SNX6: variants seen among roughly 807,000 people sequenced by gnomAD.
SNX6 encodes the protein sorting nexin 6.
In SNX6, 34 loss-of-function variants were observed where a neutral mutation model predicts 63.0. The observed-to-expected ratio is 0.54, with a 90% confidence interval of 0.41 to 0.72. The LOEUF (loss-of-function observed/expected upper bound fraction) is 0.72, where lower values mean the gene tolerates loss of function less well. Among genes scored for constraint, SNX6 ranks in the 30% least tolerant of loss-of-function variants. The probability of loss-of-function intolerance (pLI) is 0.00; values close to 1 mark genes in which losing one functional copy is unlikely to be tolerated. For missense variants in SNX6, 398 were observed against 471.4 expected, an observed-to-expected ratio of 0.84 and a Z score of 1.44; for synonymous variants, 170 against 164.2, an observed-to-expected ratio of 1.04 and a Z score of -0.27.
intron 8 of SNX6, among the ~76,000 whole-genome samples, chr14:34,588,498 A>C (rs1469022456): frequency 6.6e-6 from 1 of 151,812 alleles, no homozygotes; most frequent in Non-Finnish European, 1.5e-5. Flanking sequence ...CGATCCACCC[A>C]CCTCAGCCTC....
chr14:34,574,679 G>A (rs913440301), intron 11 of SNX6, among the ~76,000 whole-genome samples: 1 of 151,166 alleles, frequency 6.6e-6, no homozygotes, highest in African/African-American at 2.4e-5. Flanking sequence ...GTTATTCCAG[G>A]GTTTTGTTTT....
At chr14:34,568,824 G>A (rs1177353989) in intron 11 of SNX6, 3 of 1,035,838 alleles carry the variant, frequency 2.9e-6, no homozygotes, top group Non-Finnish European at 3.0e-6. Context: ...GGAGGACCCG[G>A]TGGGCCACAT....
intron 2 of SNX6, among the ~76,000 whole-genome samples, chr14:34,614,793 T>C (rs1594746028): frequency 6.6e-6 from 1 of 152,246 alleles, no homozygotes; most frequent in East Asian, 1.9e-4. Context: ...CCCACATTTG[T>C]AGTCTCTGCT....
chr14:34,575,198 T>A (rs1594700401), intron 11 of SNX6, among the ~76,000 whole-genome samples: 2 of 13,750 alleles, frequency 1.5e-4, no homozygotes, highest in East Asian at 5.1e-3. Context: ...TGGCCTCAAT[T>A]TTTTTTTTTT....
At position 34,573,355 on chromosome 14, in the gene SNX6, A is replaced by G. The variant is rs113475743; in HGVS notation, c.921+2401T>C. Among the ~76,000 whole-genome samples the G allele has an allele frequency of 9.9e-3, 1,500 of 152,158 alleles. 29 individuals are homozygous for G. The highest frequency in any genetic ancestry group is 0.034 in the African/African-American group (1,421 of 41,528). On this transcript the variant is annotated intron_variant, in intron 11 of 13. Coordinates refer to ENST00000362031, the MANE Select transcript of SNX6 (RefSeq NM_152233.4). ...ATTGGGAGGCTGAGGCTGGTGGATC[A>G]CTTAAGGTAAGGAGTTCGAGACCAG...
chr14:34,630,026 G>T, intron 1 of SNX6, 72 bp from the exon 2 acceptor site: 1 of 1,463,934 alleles, frequency 6.8e-7, no homozygotes, highest in Non-Finnish European at 9.0e-7. Flanking sequence ...AGACATTAGT[G>T]ACAGGCTGGC....
At chr14:34,565,635 G>A (rs1226020842) in intron 13 of SNX6, among the ~76,000 whole-genome samples, 1 of 151,998 alleles carries the variant, frequency 6.6e-6, no homozygotes, top group Non-Finnish European at 1.5e-5. Flanking sequence ...TCTCGCCTCA[G>A]CCTCCGGAGA....
chr14:34,613,627 C>A (rs1427497269), intron 2 of SNX6, among the ~76,000 whole-genome samples: 1 of 150,812 alleles, frequency 6.6e-6, no homozygotes, highest in Non-Finnish European at 1.5e-5. Context: ...CCCGTCTCTA[C>A]TAAAAATACA....
chr14:34,582,867 T>C (rs1047798206), intron 9 of SNX6, among the ~76,000 whole-genome samples: 8 of 151,872 alleles, frequency 5.3e-5, no homozygotes, highest in Admixed American at 5.3e-4. Context: ...AGATTCATTG[T>C]AGCAAATAGG....
At chr14:34,569,725 A>G (rs1449170526) in intron 11 of SNX6, among the ~76,000 whole-genome samples, 2 of 152,208 alleles carry the variant, frequency 1.3e-5, no homozygotes, top group Admixed American at 6.6e-5. Flanking sequence ...GCACAAATCA[A>G]TATTTCACTC....
intron 9 of SNX6, among the ~76,000 whole-genome samples, chr14:34,585,278 G>T (rs7153918): frequency 0.36 from 55,104 of 151,946 alleles, 10,411 homozygotes; most frequent in Non-Finnish European, 0.4. Flanking sequence ...CCAGCACTTT[G>T]GGAGGCTGAG....
At chr14:34,612,459 G>A (rs1883268378) in intron 2 of SNX6, among the ~76,000 whole-genome samples, 1 of 148,070 alleles carries the variant, frequency 6.8e-6, no homozygotes, top group South Asian at 2.2e-4. Flanking sequence ...TTGAGATGGA[G>A]TCTCACTTTG....
At chr14:34,599,691 T>C (rs1876859629) in intron 6 of SNX6, among the ~76,000 whole-genome samples, 1 of 151,188 alleles carries the variant, frequency 6.6e-6, no homozygotes. Context: ...GGAGAATCGC[T>C]TGCACCTGGG....
chr14:34,572,724 A>G (rs1881502605), intron 11 of SNX6, among the ~76,000 whole-genome samples: 1 of 151,580 alleles, frequency 6.6e-6, no homozygotes, highest in Non-Finnish European at 1.5e-5. Flanking sequence ...TCTGTCCCCC[A>G]GGCCGGAGTG....
intron 11 of SNX6, among the ~76,000 whole-genome samples, chr14:34,574,001 T>C (rs1881571836): frequency 6.6e-6 from 1 of 152,084 alleles, no homozygotes; most frequent in Non-Finnish European, 1.5e-5. Context: ...TTTTGTTTTA[T>C]GGCACTCTCA....
chr14:34,607,982 C>A (rs1040064543), intron 4 of SNX6, 48 bp downstream of exon 4: 10 of 964,690 alleles, frequency 1.0e-5, no homozygotes, highest in Non-Finnish European at 1.6e-5. Context: ...TAACGAAGTA[C>A]CTAAAACCTC....
chr14:34,623,780 C>T (rs1594753126), intron 2 of SNX6, among the ~76,000 whole-genome samples: 2 of 152,246 alleles, frequency 1.3e-5, no homozygotes, highest in African/African-American at 4.8e-5. Flanking sequence ...AGGAGCAAGG[C>T]TACGAGTACA....
At chr14:34,625,452 G>C (rs958766790) in intron 2 of SNX6, among the ~76,000 whole-genome samples, 2 of 152,146 alleles carry the variant, frequency 1.3e-5, no homozygotes, top group African/African-American at 4.8e-5. Flanking sequence ...GCAGTTATCG[G>C]CCGGGCGCGG....
rs778641419 is a variant in SNX6, at chr14:34,629,942, C to A, written c.19G>T (p.Asp7Tyr). 1 of 1,548,468 alleles carries A rather than the reference C, an allele frequency of 6.5e-7. No individual in the cohort carries two copies. The change falls in exon 2 of 14, where the codon GAC (aspartate) becomes TAC (tyrosine). Residue 7 changes from aspartate (D) to tyrosine (Y), a missense_variant. By Grantham distance (160) the Asp-to-Tyr change is radical. Coordinates refer to ENST00000362031, the MANE Select transcript of SNX6 (RefSeq NM_152233.4). MMEGLD[D>Y]GPDFLSEEDR... ...TCTTCTGAGAGGAAGTCCGGGCCGT[C>A]GTCCAGGCCTTCCTGTGGGGTCGGC...
Sources: allele counts gnomAD v4.1 joint callset (sites outside exome capture counted in the v4.1 genomes callset), GRCh38; gene constraint gnomAD v4.1.1; transcripts MANE v1.5; gene names NCBI Gene and HGNC (gene_info 2026-07-23, HGNC 2026-07-21).